Variants in TCERG1L observed in about 807,000 individuals in gnomAD.
The protein encoded by TCERG1L is transcription elongation regulator 1-like protein.
In TCERG1L, 37 loss-of-function variants were observed where a neutral mutation model predicts 56.3. The ratio of observed to expected loss-of-function variants is 0.66; its 90% CI spans 0.51 to 0.87. The LOEUF is 0.87. TCERG1L is among the 40% of genes least tolerant of loss of function. The pLI is 0.00. For missense variants in TCERG1L, 799 were observed against 774.2 expected, an observed-to-expected ratio of 1.03 and a Z score of -0.38; for synonymous variants, 324 against 326.3, an observed-to-expected ratio of 0.99 and a Z score of 0.08.
At chr10:131,236,042 C>T (rs1411354052) in intron 4 of TCERG1L, among the ~76,000 whole-genome samples, 1 of 152,214 alleles carries the variant, frequency 6.6e-6, no homozygotes, top group Non-Finnish European at 1.5e-5. Flanking sequence ...TTAGGCTCAC[C>T]TAGTGTGTGT....
chr10:131,255,072 G>A (rs968500300), intron 4 of TCERG1L, among the ~76,000 whole-genome samples: 13 of 152,286 alleles, frequency 8.5e-5, no homozygotes, highest in African/African-American at 2.4e-4. Context: ...GTGCAGAGAT[G>A]CCCCGGGCAG....
rs1172125930 is a variant in TCERG1L at position 131,311,189 on chromosome 10, G to A, written c.342+105C>T. ...AGGGTTTGGGGCGGCGAGGACCGCC[G>A]GGGAGGAGGGCGCGCGAGCCGGAGG... is the stretch of plus-strand genomic sequence containing the variant. On this transcript the variant is annotated intron_variant, in intron 1 of 11. Transcript: ENST00000368642. This position sits in a 1 kb window ranked among gnomAD's most constrained non-coding sequence, Gnocchi z 4.0. The A allele has an allele frequency of 8.4e-6, 8 of 947,814 alleles. No individual in the cohort carries two copies. In the East Asian group the frequency reaches 1.3e-4, roughly 15 times the overall value. The allele number at this position is 947,814 out of a possible 1,614,324, so 58.7% of individuals were successfully genotyped here. A position where few individuals can be genotyped will look rare whatever the true frequency, so the allele number is the denominator to read the frequency against.
intron 3 of TCERG1L, among the ~76,000 whole-genome samples, chr10:131,307,310 A>G (rs1846826908): frequency 6.6e-6 from 1 of 152,244 alleles, no homozygotes; most frequent in African/African-American, 2.4e-5. Flanking sequence ...TTATTACTAA[A>G]CAAGATTCAT....
At chr10:131,209,434 A>T (rs1845591826) in intron 4 of TCERG1L, among the ~76,000 whole-genome samples, 1 of 149,178 alleles carries the variant, frequency 6.7e-6, no homozygotes, top group Admixed American at 6.7e-5. Flanking sequence ...TGTAATTATG[A>T]TTTAAAAATA....
chr10:131,201,047 G>C (rs1014701591), intron 4 of TCERG1L, among the ~76,000 whole-genome samples: 22 of 152,224 alleles, frequency 1.4e-4, no homozygotes, highest in African/African-American at 5.1e-4. Context: ...CAGCTTTTGT[G>C]GTCTCATGAC....
rs542898977 is a variant in TCERG1L, at chr10:131,146,490, C to T, written c.1189+16G>A. 1.7e-5 allele frequency: 27 copies of T among 1,596,054 alleles called. No homozygotes were observed. The East Asian group carries it at 3.4e-4, about 20-fold the overall frequency. On this transcript the variant is annotated intron_variant, in intron 7 of 11. Transcript: ENST00000368642. ...AACACTTCAAAGGAGGTGTAAATAACCCAGGGCTTAGTTACTTGCTGGTGC... is the reference window on the plus strand; with the variant it reads ...AACACTTCAAAGGAGGTGTAAATAATCCAGGGCTTAGTTACTTGCTGGTGC...
rs76789535 is a variant in TCERG1L, at chr10:131,153,399, G to A, written c.1035-6739C>T. Among the ~76,000 whole-genome samples the A allele has an allele frequency of 7.0e-3, 1,065 of 152,214 alleles. 15 individuals are homozygous for A. Among genetic ancestry groups the A allele is most frequent in the African/African-American group, 0.024 (995 of 41,516 alleles). ...TGCTGGGCTGCTCACCCTAAGCCCC[G>A]CGTGCTCATTCCCTAGAGAATCAAA... On this transcript the variant is annotated intron_variant, in intron 6 of 11. Transcript: ENST00000368642.
At chr10:131,269,738 C>A (rs532326189) in intron 3 of TCERG1L, among the ~76,000 whole-genome samples, 32 of 152,320 alleles carry the variant, frequency 2.1e-4, no homozygotes, top group African/African-American at 7.5e-4. Context: ...ACTGAGAGTT[C>A]CCAGAATGTA....
chr10:131,123,653 C>G (rs1237800493), intron 8 of TCERG1L, among the ~76,000 whole-genome samples: 2 of 152,062 alleles, frequency 1.3e-5, no homozygotes, highest in Non-Finnish European at 2.9e-5. Flanking sequence ...GCATCCTGGC[C>G]TCCGACTGCC....
chr10:131,278,192 C>A (rs1338022837), intron 3 of TCERG1L, among the ~76,000 whole-genome samples: 1 of 152,058 alleles, frequency 6.6e-6, no homozygotes, highest in Non-Finnish European at 1.5e-5. Context: ...CACGTGACCC[C>A]GGCCGAGTCG....
intron 6 of TCERG1L, among the ~76,000 whole-genome samples, chr10:131,158,021 A>C (rs1845941195): frequency 6.6e-6 from 1 of 152,194 alleles, no homozygotes. Flanking sequence ...TGCATTTCTC[A>C]AGTGCTTAGT....
At chr10:131,185,437 G>GA (rs1312236101) in intron 4 of TCERG1L, among the ~76,000 whole-genome samples, 1 of 151,888 alleles carries the variant, frequency 6.6e-6, no homozygotes, top group Non-Finnish European at 1.5e-5. Context: ...ATCAAGAAAG[G>GA]AAAAAACAAC....
chr10:131,241,912 C>T (rs1179306141), intron 4 of TCERG1L, among the ~76,000 whole-genome samples: 1 of 151,882 alleles, frequency 6.6e-6, no homozygotes, highest in African/African-American at 2.4e-5. Context: ...CACAAGTCAC[C>T]TGTACAGTAA....
chr10:131,247,916 G>A (rs1007361860), intron 4 of TCERG1L, among the ~76,000 whole-genome samples: 7 of 149,790 alleles, frequency 4.7e-5, no homozygotes, highest in South Asian at 2.1e-4. Flanking sequence ...GCACACACAC[G>A]CATACACACG....
chr10:131,186,073 G>A (rs1247121014), intron 4 of TCERG1L, among the ~76,000 whole-genome samples: 5 of 152,192 alleles, frequency 3.3e-5, no homozygotes, highest in Admixed American at 2.0e-4. Context: ...GATGAACCCC[G>A]AAGACATTAT....
intron 8 of TCERG1L, among the ~76,000 whole-genome samples, chr10:131,121,650 T>C (rs1179603382): frequency 6.6e-6 from 1 of 151,898 alleles, no homozygotes; most frequent in East Asian, 1.9e-4. Context: ...GACGGACGGC[T>C]CCACACACCC....
At position 131,254,302 on chromosome 10, in the gene TCERG1L, AATAT is replaced by A. The variant is rs57689050; in HGVS notation, c.856+5953_856+5956del. 6.3e-4 allele frequency among the ~76,000 whole-genome samples: 90 copies of A among 142,794 alleles called. 2 individuals are homozygous for A. The East Asian group carries it at 9.6e-3, about 15-fold the overall frequency. The allele number at this position is 142,794 out of a possible 152,430, so 93.7% of individuals were successfully genotyped here. A position where few individuals can be genotyped will look rare whatever the true frequency, so the allele number is the denominator to read the frequency against. On this transcript the variant is annotated intron_variant, in intron 4 of 11. Coordinates refer to ENST00000368642, the MANE Select transcript of TCERG1L (RefSeq NM_174937.4). ...CCAGAGCAGGCAATCACTGGATTTA[AATAT>A]ATATATATATATATAGTAAGTATTG...
intron 3 of TCERG1L, among the ~76,000 whole-genome samples, chr10:131,265,497 C>T (rs1406642860): frequency 6.6e-6 from 1 of 152,080 alleles, no homozygotes; most frequent in Non-Finnish European, 1.5e-5. Flanking sequence ...AGCTCCAGGC[C>T]CTTGTGAAGG....
In TCERG1L at chr10:131,250,058, G is replaced by A. The variant is rs368988396; in HGVS notation, c.856+10201C>T. Among the ~76,000 whole-genome samples the A allele has an allele frequency of 1.6e-4, 25 of 152,312 alleles. No homozygotes were observed. The South Asian group carries it at 3.9e-3, about 24-fold the overall frequency. On this transcript the variant is annotated intron_variant, in intron 4 of 11. Coordinates refer to ENST00000368642, the MANE Select transcript of TCERG1L (RefSeq NM_174937.4). ...AATAAAGCCACACGATTTGAGTCACGGGGCACCAAGGAGGTATCACAGACC... is the reference window on the plus strand; with the variant it reads ...AATAAAGCCACACGATTTGAGTCACAGGGCACCAAGGAGGTATCACAGACC...
Sources: allele counts gnomAD v4.1 joint callset (sites outside exome capture counted in the v4.1 genomes callset), GRCh38; gene constraint gnomAD v4.1.1; non-coding constraint Gnocchi (gnomAD v3.1); transcripts MANE v1.5; gene names NCBI Gene and HGNC (gene_info 2026-07-23, HGNC 2026-07-21).